PLBD1: variants seen among roughly 807,000 people sequenced by gnomAD.
PLBD1 encodes the protein lysosomal leucine aminopeptidase.
Under a neutral mutation model 63.0 loss-of-function variants are expected in PLBD1, and 60 were observed. That is an observed-to-expected ratio of 0.95 (90% CI 0.77 to 1.18). The LOEUF is 1.18. Among genes scored for constraint, PLBD1 ranks in the 50% most tolerant of loss-of-function variants. PLBD1 has a pLI of 0.00. For missense variants in PLBD1, 598 were observed against 677.9 expected (o/e 0.88, Z 1.31); for synonymous variants, 262 against 248.0 (o/e 1.06, Z -0.53).
chr12:14,560,284 A>G (rs189241389), intron 1 of PLBD1, among the ~76,000 whole-genome samples: 3 of 152,342 alleles, frequency 2.0e-5, no homozygotes, highest in Non-Finnish European at 2.9e-5. Context: ...TGGATTCTAT[A>G]ATAATTTTTC....
intron 8 of PLBD1, 35 bp downstream of exon 8, chr12:14,511,225 A>C (rs1945295778): frequency 6.5e-7 from 1 of 1,535,926 alleles, no homozygotes; most frequent in Non-Finnish European, 8.8e-7. Context: ...ACACATACTC[A>C]TCAGGTTTTA....
At chr12:14,557,481 TA>T (rs1945714908) in intron 1 of PLBD1, among the ~76,000 whole-genome samples, 1 of 151,602 alleles carries the variant, frequency 6.6e-6, no homozygotes, top group Non-Finnish European at 1.5e-5. Context: ...TATGCAGCCA[TA>T]AAAAAGGATA....
chr12:14,525,922 C>G (rs762610828), intron 6 of PLBD1, among the ~76,000 whole-genome samples: 1 of 152,028 alleles, frequency 6.6e-6, no homozygotes, highest in African/African-American at 2.4e-5. Context: ...TAACTTTATG[C>G]AAATTGTGAT....
intron 6 of PLBD1, among the ~76,000 whole-genome samples, chr12:14,530,475 A>G (rs570858329): frequency 6.6e-6 from 1 of 152,378 alleles, no homozygotes; most frequent in South Asian, 2.1e-4. Context: ...CAATAAATAC[A>G]TATGAGCAAC....
intron 1 of PLBD1, among the ~76,000 whole-genome samples, chr12:14,555,391 G>C (rs936656016): frequency 6.6e-6 from 1 of 152,122 alleles, no homozygotes; most frequent in Non-Finnish European, 1.5e-5. Flanking sequence ...TACAAAATGA[G>C]CCAGGCATGG....
At chr12:14,540,051 TATACAC>T (rs1945557318) in intron 4 of PLBD1, among the ~76,000 whole-genome samples, 1 of 75,326 alleles carries the variant, frequency 1.3e-5, no homozygotes, top group Admixed American at 1.4e-4. Context: ...TATATATATA[TATACAC>T]ACACACACTG....
intron 1 of PLBD1, among the ~76,000 whole-genome samples, chr12:14,560,600 T>C (rs1945737311): frequency 6.6e-6 from 1 of 152,194 alleles, no homozygotes; most frequent in South Asian, 2.1e-4. Flanking sequence ...TCTCAGTAAA[T>C]TGATACCTGG....
intron 6 of PLBD1, among the ~76,000 whole-genome samples, chr12:14,527,015 C>T (rs1171261966): frequency 2.0e-5 from 3 of 152,180 alleles, no homozygotes; most frequent in Admixed American, 6.5e-5. Context: ...ACACATACGC[C>T]TTCAGACTTA....
chr12:14,561,809 A>G (rs1236916060), intron 1 of PLBD1, among the ~76,000 whole-genome samples: 1 of 151,192 alleles, frequency 6.6e-6, no homozygotes, highest in Non-Finnish European at 1.5e-5. Flanking sequence ...GCCTGCCTTG[A>G]CCTCCCAAAG....
At chr12:14,540,371 G>A (rs1945562373) in intron 4 of PLBD1, among the ~76,000 whole-genome samples, 1 of 151,750 alleles carries the variant, frequency 6.6e-6, no homozygotes, top group South Asian at 2.1e-4. Context: ...GTGTTTGTGT[G>A]GATATGTGTT....
In PLBD1 at chr12:14,542,270, T is replaced by A; in HGVS notation, c.357A>T (p.Thr119=). The change falls in exon 3 of 11, where the codon ACA becomes ACT. Residue 119 remains threonine, a synonymous_variant. Transcript: ENST00000240617. ...TCGTGATCAGCTGTGGGTAGAGGTT[T>A]GTGTAGTGGTCATTCATGTGTCTGA... ...LTAPHMNDHY[T]NLYPQLITKP... 2 of 1,609,646 alleles carry A rather than the reference T, an allele frequency of 1.2e-6. No homozygotes were observed. Among genetic ancestry groups the A allele is most frequent in the Non-Finnish European group, 1.7e-6 (2 of 1,175,954 alleles).
At chr12:14,536,001 A>C in intron 5 of PLBD1, 198 bp from the exon 6 acceptor site, 1 of 529,398 alleles carries the variant, frequency 1.9e-6, no homozygotes, top group South Asian at 2.7e-5. Flanking sequence ...TAACATTCAA[A>C]ATGGAAGACT....
rs2136931260 is a variant in PLBD1 at position 14,553,293 on chromosome 12, A to G, written c.235T>C (p.Trp79Arg). 2 of 1,614,210 alleles carry G rather than the reference A, an allele frequency of 1.2e-6. No individual in the cohort carries two copies. Among genetic ancestry groups the G allele is most frequent in the East Asian group, 4.5e-5 (2 of 44,886 alleles). ...FYNNSVKTTGWGILEIRAGYG... is the reference protein window; with the variant it reads ...FYNNSVKTTGRGILEIRAGYG... ...CCAGCTCTGATCTCCAGGATGCCCC[A>G]GCCTGTGGTTTTCACAGAGTTATTG... Residue 79 changes from tryptophan to arginine, a missense_variant, in exon 2 of 11, where the codon TGG becomes CGG. Transcript: ENST00000240617.
Position 14,542,297 on chromosome 12 carries a change from A to G in PLBD1, c.336-6T>C, listed in dbSNP as rs1376233924. On this transcript the variant is annotated splice_region_variant and splice_polypyrimidine_tract_variant and intron_variant, in intron 2 of 10. Coordinates refer to ENST00000240617, the MANE Select transcript of PLBD1 (RefSeq NM_024829.6). ...TGTAGTGGTCATTCATGTGTCTGAAATGATACATGAAAATTATTACATTTA... is the reference window on the plus strand; with the variant it reads ...TGTAGTGGTCATTCATGTGTCTGAAGTGATACATGAAAATTATTACATTTA... 6.3e-7 allele frequency: 1 copy of G among 1,575,676 alleles called. No homozygotes were observed. Among genetic ancestry groups the G allele is most frequent in the Admixed American group, 1.7e-5 (1 of 59,638 alleles).
chr12:14,520,053 G>A (rs1185635624), intron 6 of PLBD1, among the ~76,000 whole-genome samples: 1 of 152,192 alleles, frequency 6.6e-6, no homozygotes, highest in Non-Finnish European at 1.5e-5. Flanking sequence ...TGTGGGAAAT[G>A]CCAGGGAGCC....
intron 2 of PLBD1, among the ~76,000 whole-genome samples, chr12:14,542,669 T>C (rs921194181): frequency 6.6e-6 from 1 of 152,260 alleles, no homozygotes; most frequent in African/African-American, 2.4e-5. Flanking sequence ...ATTATTCCCA[T>C]GCATGTTTTT....
chr12:14,536,073 A>C (rs1332339126), intron 5 of PLBD1: 1 of 358,042 alleles, frequency 2.8e-6, no homozygotes, highest in Non-Finnish European at 5.0e-6. Context: ...AGGCAGGCGG[A>C]TCACTTGAGG....
At chr12:14,567,110 A>T (rs1280323506) in intron 1 of PLBD1, among the ~76,000 whole-genome samples, 1 of 152,084 alleles carries the variant, frequency 6.6e-6, no homozygotes, top group Non-Finnish European at 1.5e-5. Flanking sequence ...CAACAACAAA[A>T]CCAAAAGGCC....
At chr12:14,544,716 C>T (rs527366278) in intron 2 of PLBD1, among the ~76,000 whole-genome samples, 10 of 151,940 alleles carry the variant, frequency 6.6e-5, no homozygotes, top group Non-Finnish European at 1.3e-4. Context: ...TGTATCTAGT[C>T]TAGGGTTTGT....
Sources: allele counts gnomAD v4.1 joint callset (sites outside exome capture counted in the v4.1 genomes callset), GRCh38; gene constraint gnomAD v4.1.1; transcripts MANE v1.5; gene names NCBI Gene and HGNC (gene_info 2026-07-23, HGNC 2026-07-21).